SGCZ: variants seen among roughly 807,000 people sequenced by gnomAD.
SGCZ encodes the protein zeta-sarcoglycan.
SGCZ carries 40 observed loss-of-function variants against 41.3 expected under a neutral mutation model. That is an observed-to-expected ratio of 0.97 (90% CI 0.75 to 1.26). SGCZ has a LOEUF of 1.26. Ranked by LOEUF, SGCZ falls within the 50% of genes most tolerant of loss-of-function variation. The probability of loss-of-function intolerance (pLI) is 0.00; values close to 1 mark genes in which losing one functional copy is unlikely to be tolerated. For missense variants in SGCZ, 552 were observed against 369.8 expected (o/e 1.49, Z -4.04); for synonymous variants, 206 against 137.5 (o/e 1.50, Z -3.49).
chr8:14,566,305 G>A (rs553832296), intron 1 of SGCZ, among the ~76,000 whole-genome samples: 3 of 152,206 alleles, frequency 2.0e-5, no homozygotes, highest in Non-Finnish European at 4.4e-5. Context: ...GAGGCAGACA[G>A]GAAATGGGAA....
chr8:15,159,719 T>TCCC (rs1799447223), intron 1 of SGCZ, among the ~76,000 whole-genome samples: 1 of 23,008 alleles, frequency 4.3e-5, no homozygotes, highest in African/African-American at 1.7e-4. Flanking sequence ...TGTTCCCCCC[T>TCCC]CCCTCGCCCC....
intron 2 of SGCZ, among the ~76,000 whole-genome samples, chr8:14,389,359 A>G (rs1226736019): frequency 6.6e-6 from 1 of 151,878 alleles, no homozygotes; most frequent in Non-Finnish European, 1.5e-5. Flanking sequence ...AAGTACTCAG[A>G]TTAAAAAAGT....
At chr8:14,666,912 A>G (rs1292080157) in intron 1 of SGCZ, among the ~76,000 whole-genome samples, 1 of 128,364 alleles carries the variant, frequency 7.8e-6, no homozygotes, top group East Asian at 2.1e-4. Context: ...ATAAGAATAA[A>G]CCCTAGAAAT....
At chr8:14,529,679 T>A (rs1212887734) in intron 2 of SGCZ, among the ~76,000 whole-genome samples, 2 of 152,110 alleles carry the variant, frequency 1.3e-5, no homozygotes, top group Non-Finnish European at 2.9e-5. Context: ...CAGTGTTTCA[T>A]GAGATCTGAA....
intron 1 of SGCZ, among the ~76,000 whole-genome samples, chr8:14,813,759 G>A (rs1460189134): frequency 6.6e-6 from 1 of 152,026 alleles, no homozygotes; most frequent in Admixed American, 6.6e-5. Flanking sequence ...CAAGACCAAC[G>A]TGGCCAACAT....
At chr8:14,824,553 T>A (rs1802226486) in intron 1 of SGCZ, among the ~76,000 whole-genome samples, 1 of 152,064 alleles carries the variant, frequency 6.6e-6, no homozygotes, top group Admixed American at 6.6e-5. Flanking sequence ...TGCCCTGGCT[T>A]CCATAATAAA....
At chr8:14,126,323 T>G (rs890440524) in intron 5 of SGCZ, among the ~76,000 whole-genome samples, 1 of 152,036 alleles carries the variant, frequency 6.6e-6, no homozygotes, top group African/African-American at 2.4e-5. Flanking sequence ...GCAAAGGACA[T>G]GAACAGACAC....
intron 5 of SGCZ, among the ~76,000 whole-genome samples, chr8:14,113,871 G>C (rs1802445307): frequency 6.6e-6 from 1 of 151,998 alleles, no homozygotes; most frequent in Non-Finnish European, 1.5e-5. Flanking sequence ...GACAACTCAT[G>C]AGAACCCCTT....
chr8:14,468,509 T>C (rs1801115166), intron 2 of SGCZ, among the ~76,000 whole-genome samples: 1 of 152,120 alleles, frequency 6.6e-6, no homozygotes, highest in South Asian at 2.1e-4. Flanking sequence ...TGATCTTATC[T>C]TCTAGTTTAT....
In SGCZ at chr8:15,018,249, A is replaced by ACTGT. The variant is rs527578721; in HGVS notation, c.39+219332_39+219335dup. On this transcript the variant is annotated intron_variant, in intron 1 of 7. Coordinates refer to ENST00000382080, the MANE Select transcript of SGCZ (RefSeq NM_139167.4). ...TCTAAACTTTCACGATAGGACAGAC[A>ACTGT]CTGTTCTAAGCTCAGAGATGTCTTC... Among the ~76,000 whole-genome samples the ACTGT allele has an allele frequency of 1.7e-3, 254 of 152,332 alleles. 1 individual carries two copies. The highest frequency in any genetic ancestry group is 5.8e-3 in the African/African-American group (243 of 41,568).
intron 3 of SGCZ, among the ~76,000 whole-genome samples, chr8:14,275,147 G>A (rs1032422465): frequency 4.6e-5 from 7 of 152,066 alleles, no homozygotes; most frequent in Non-Finnish European, 8.8e-5. Flanking sequence ...CGAAAGCCAG[G>A]TCTCTCGACT....
At chr8:14,340,242 A>G (rs746392320) in intron 2 of SGCZ, among the ~76,000 whole-genome samples, 3 of 151,932 alleles carry the variant, frequency 2.0e-5, no homozygotes, top group Non-Finnish European at 4.4e-5. Flanking sequence ...TGTTGCTAAC[A>G]CTCTTATACT....
intron 1 of SGCZ, among the ~76,000 whole-genome samples, chr8:15,218,034 A>G (rs1051018821): frequency 3.3e-5 from 5 of 152,198 alleles, no homozygotes; most frequent in Admixed American, 1.3e-4. Context: ...TCCTTCGGTA[A>G]ACATACATGC....
chr8:14,224,908 A>G (rs1328161777), intron 4 of SGCZ, among the ~76,000 whole-genome samples: 1 of 152,186 alleles, frequency 6.6e-6, no homozygotes, highest in African/African-American at 2.4e-5. Context: ...TATTCTCTAC[A>G]TAAAGAAATT....
intron 1 of SGCZ, among the ~76,000 whole-genome samples, chr8:14,788,499 A>C (rs1425724451): frequency 6.6e-6 from 1 of 152,170 alleles, no homozygotes; most frequent in Non-Finnish European, 1.5e-5. Flanking sequence ...TTCCTACCAT[A>C]ATTCTTCTGG....
At chr8:14,742,083 A>G (rs2055857) in intron 1 of SGCZ, among the ~76,000 whole-genome samples, 54,157 of 151,678 alleles carry the variant, frequency 0.36, 11,298 homozygotes, top group African/African-American at 0.57. Flanking sequence ...ATTTAGAGGG[A>G]AAAAAAACCT....
At chr8:14,842,297 A>G (rs1018520007) in intron 1 of SGCZ, among the ~76,000 whole-genome samples, 4 of 152,082 alleles carry the variant, frequency 2.6e-5, no homozygotes, top group Non-Finnish European at 5.9e-5. Flanking sequence ...AGTGGAATAA[A>G]GAGATTCAAA....
intron 1 of SGCZ, among the ~76,000 whole-genome samples, chr8:15,133,710 A>G (rs1280273876): frequency 1.3e-5 from 2 of 152,216 alleles, no homozygotes; most frequent in Non-Finnish European, 2.9e-5. Context: ...CAACAGTAAG[A>G]CAGAACCAAA....
intron 4 of SGCZ, among the ~76,000 whole-genome samples, chr8:14,175,467 T>G (rs1320614316): frequency 6.6e-6 from 1 of 152,116 alleles, no homozygotes; most frequent in Non-Finnish European, 1.5e-5. Context: ...AGTAATGGAA[T>G]ATAAATTTGG....
Sources: allele counts gnomAD v4.1 joint callset (sites outside exome capture counted in the v4.1 genomes callset), GRCh38; gene constraint gnomAD v4.1.1; transcripts MANE v1.5; gene names NCBI Gene and HGNC (gene_info 2026-07-23, HGNC 2026-07-21).